The following BLMH variants were observed in gnomAD, a reference collection of about 807,000 sequenced individuals.
BLMH encodes the protein bleomycin hydrolase, also known as BLM hydrolase.
Under a neutral mutation model 61.6 loss-of-function variants are expected in BLMH, and 32 were observed. The ratio of observed to expected loss-of-function variants is 0.52; its 90% CI spans 0.39 to 0.70. BLMH has a LOEUF of 0.70. Among genes scored for constraint, BLMH ranks in the 30% least tolerant of loss-of-function variants. The probability of loss-of-function intolerance (pLI) is 0.00; values close to 1 mark genes in which losing one functional copy is unlikely to be tolerated. For missense variants in BLMH, 460 were observed against 555.5 expected, an observed-to-expected ratio of 0.83 and a Z score of 1.73; for synonymous variants, 183 against 193.8, an observed-to-expected ratio of 0.94 and a Z score of 0.46.
chr17:30,267,048 A>T, intron 10 of BLMH, 94 bp from the exon 11 acceptor site: 2 of 1,174,396 alleles, frequency 1.7e-6, no homozygotes, highest in Non-Finnish European at 2.5e-6. Context: ...CACTTGAAAG[A>T]AACAGCCTGC....
Position 30,286,733 on chromosome 17 carries a change from G to A in BLMH, c.552+81C>T, listed in dbSNP as rs1009802644. On this transcript the variant is annotated intron_variant, in intron 5 of 11. Coordinates refer to ENST00000261714, the MANE Select transcript of BLMH (RefSeq NM_000386.4). ...ATCTTGTACACAAACTGTATACAGAGATACCCAGGAACCCCTTTTAAAAAA... is the reference window on the plus strand; with the variant it reads ...ATCTTGTACACAAACTGTATACAGAAATACCCAGGAACCCCTTTTAAAAAA... 3.1e-6 allele frequency: 3 copies of A among 964,048 alleles called. No individual in the cohort carries two copies. The African/African-American group carries it at 4.9e-5, about 16-fold the overall frequency. 59.7% of individuals were successfully genotyped at this position (964,048 alleles called of 1,614,324 possible). A position where few individuals can be genotyped will look rare whatever the true frequency, so the allele number is the denominator to read the frequency against.
intron 11 of BLMH, among the ~76,000 whole-genome samples, chr17:30,262,254 G>C (rs1422131593): frequency 2.0e-5 from 3 of 152,162 alleles, no homozygotes; most frequent in Non-Finnish European, 4.4e-5. Context: ...GCTGTGTCAG[G>C]CTCTAGAAAT....
intron 11 of BLMH, among the ~76,000 whole-genome samples, chr17:30,263,488 A>G (rs1359819767): frequency 1.3e-5 from 2 of 152,236 alleles, no homozygotes; most frequent in African/African-American, 4.8e-5. Context: ...TATTTTAAGA[A>G]GCAGGGGAGA....
At chr17:30,279,657 C>A (rs1474561570) in intron 6 of BLMH, among the ~76,000 whole-genome samples, 2 of 152,058 alleles carry the variant, frequency 1.3e-5, no homozygotes, top group Non-Finnish European at 1.5e-5. Flanking sequence ...TATTTTCAGG[C>A]CAGATGCAGT....
intron 9 of BLMH, chr17:30,272,204 C>A (rs1908293537): frequency 7.9e-6 from 2 of 254,698 alleles, no homozygotes; most frequent in Admixed American, 9.7e-5. Context: ...ACCAAAGTAA[C>A]ATAGCAAACG....
intron 11 of BLMH, chr17:30,250,000 C>G (rs1907629921): frequency 6.6e-6 from 1 of 152,180 alleles, no homozygotes. Context: ...GGAGGATTAA[C>G]CTGCATCTCA....
intron 6 of BLMH, among the ~76,000 whole-genome samples, chr17:30,283,623 G>C (rs1908649697): frequency 6.7e-6 from 1 of 149,702 alleles, no homozygotes; most frequent in South Asian, 2.1e-4. Context: ...CTGGGTTCAA[G>C]TGATTCCCCT....
chr17:30,291,714 A>G, intron 1 of BLMH, 93 bp downstream of exon 1: 1 of 1,414,650 alleles, frequency 7.1e-7, no homozygotes, highest in Non-Finnish European at 9.2e-7. Context: ...GCCATCGCCA[A>G]GGGTCCCAGC....
intron 4 of BLMH, 59 bp downstream of exon 4, chr17:30,287,747 T>TA: frequency 1.3e-6 from 2 of 1,592,098 alleles, no homozygotes; most frequent in South Asian, 2.2e-5. Context: ...GGCCCATGCC[T>TA]AACTACAGGC....
chr17:30,290,943 G>T, intron 2 of BLMH: 1 of 219,494 alleles, frequency 4.6e-6, no homozygotes, highest in South Asian at 9.8e-5. Context: ...GGCCTTCAGG[G>T]CATTTCTGGG....
intron 5 of BLMH, among the ~76,000 whole-genome samples, chr17:30,285,785 C>T (rs1873978379): frequency 6.6e-6 from 1 of 152,136 alleles, no homozygotes; most frequent in Non-Finnish European, 1.5e-5. Context: ...TCACATAATG[C>T]CTATCACTCA....
At chr17:30,269,981 G>A (rs896317684) in intron 10 of BLMH, among the ~76,000 whole-genome samples, 1 of 152,152 alleles carries the variant, frequency 6.6e-6, no homozygotes, top group Admixed American at 6.5e-5. Context: ...TAGATGCTGT[G>A]GGGTTGAAAG....
In BLMH at chr17:30,249,184, G is replaced by C. The variant is rs1358669094; in HGVS notation, c.1217-16C>G. 3 of 1,613,876 alleles carry C rather than the reference G, an allele frequency of 1.9e-6. No homozygotes were observed. Among genetic ancestry groups the C allele is most frequent in the Non-Finnish European group, 2.5e-6 (3 of 1,179,838 alleles). Reference sequence around the variant, plus strand: ...CACAGGTAACCTGGAGAAAAGAACAGAAGACTTATGAGTCCAGAGGGCAAG... The same window carrying C: ...CACAGGTAACCTGGAGAAAAGAACACAAGACTTATGAGTCCAGAGGGCAAG... On this transcript the variant is annotated splice_polypyrimidine_tract_variant and intron_variant, in intron 11 of 11. Transcript: ENST00000261714.
intron 6 of BLMH, among the ~76,000 whole-genome samples, chr17:30,280,570 G>C (rs1333047735): frequency 6.6e-6 from 1 of 151,994 alleles, no homozygotes; most frequent in Non-Finnish European, 1.5e-5. Context: ...TTGAACTCCT[G>C]GGCTCAAGTG....
intron 2 of BLMH, among the ~76,000 whole-genome samples, chr17:30,289,720 A>T (rs1031631606): frequency 2.0e-5 from 3 of 152,218 alleles, no homozygotes; most frequent in African/African-American, 4.8e-5. Flanking sequence ...TAAAGAATCC[A>T]TTTTTCAGAG....
At position 30,249,033 on chromosome 17, in the gene BLMH, C is replaced by T. The variant is rs1245306277; in HGVS notation, c.1352G>A (p.Gly451Glu). 5.0e-6 allele frequency: 8 copies of T among 1,614,032 alleles called. No homozygotes were observed. Among genetic ancestry groups the T allele is most frequent in the Non-Finnish European group, 6.8e-6 (8 of 1,179,934 alleles). Residue 451 changes from glycine (G) to glutamate (E), a missense_variant, in exon 12 of 12, where the codon GGA becomes GAA. Transcript: ENST00000261714. ...AGGGCAGTATCACTCAGCCAAAGCT[C>T]CCATGGGGTCCCATGCTGGCAGGAT... ...PIILPAWDPM[G>E]ALAE
rs1329654991 is a variant in BLMH, at chr17:30,291,905, G to T, written c.-86C>A. On this transcript the variant is annotated 5_prime_UTR_variant, in exon 1 of 12. Coordinates refer to ENST00000261714, the MANE Select transcript of BLMH (RefSeq NM_000386.4). Reference sequence around the variant, plus strand: ...ATTGCGCTGCGGCTCGCTGCCTAGGGGGCCCGACCTGTCTCTCGCACCCGG... The same window carrying T: ...ATTGCGCTGCGGCTCGCTGCCTAGGTGGCCCGACCTGTCTCTCGCACCCGG... The T allele has an allele frequency of 5.6e-6, 7 of 1,259,316 alleles. No individual in the cohort carries two copies. The South Asian group carries it at 1.8e-4, about 33-fold the overall frequency. 78.0% of individuals were successfully genotyped at this position (1,259,316 alleles called of 1,614,324 possible).
chr17:30,264,212 T>A (rs2143020868), intron 11 of BLMH, among the ~76,000 whole-genome samples: 1 of 152,356 alleles, frequency 6.6e-6, no homozygotes, highest in South Asian at 2.1e-4. Context: ...ACTTCAGTTC[T>A]ATTTCTTATC....
chr17:30,275,213 G>A (rs370443630), intron 6 of BLMH, among the ~76,000 whole-genome samples: 1 of 151,834 alleles, frequency 6.6e-6, no homozygotes, highest in East Asian at 2.0e-4. Context: ...TGAGGACCCT[G>A]TCTCAAAAAT....
Sources: allele counts gnomAD v4.1 joint callset (sites outside exome capture counted in the v4.1 genomes callset), GRCh38; gene constraint gnomAD v4.1.1; transcripts MANE v1.5; gene names NCBI Gene and HGNC (gene_info 2026-07-23, HGNC 2026-07-21).